The following CDH13 variants were observed in gnomAD, a reference collection of about 807,000 sequenced individuals.
CDH13 encodes cadherin 13, also known as cadherin-13.
In CDH13, 24 loss-of-function variants were observed where a neutral mutation model predicts 63.8. The observed-to-expected ratio is 0.38, with a 90% CI of 0.27 to 0.53. The LOEUF is 0.53. Ranked by LOEUF, CDH13 falls within the 20% of genes least tolerant of loss-of-function variation. The probability of loss-of-function intolerance (pLI) is 0.85; values close to 1 mark genes in which losing one functional copy is unlikely to be tolerated. For missense variants in CDH13, 1,049 were observed against 903.1 expected, an observed-to-expected ratio of 1.16 and a Z score of -2.07; for synonymous variants, 503 against 355.3, an observed-to-expected ratio of 1.42 and a Z score of -4.67.
intron 1 of CDH13, among the ~76,000 whole-genome samples, chr16:82,834,048 C>G (rs141341716): frequency 5.3e-5 from 8 of 152,284 alleles, no homozygotes; most frequent in African/African-American, 1.2e-4. Context: ...TTTCTCAATT[C>G]AGCGCTAGCC....
intron 2 of CDH13, among the ~76,000 whole-genome samples, chr16:82,865,456 C>G (rs569909874): frequency 1.3e-5 from 2 of 152,368 alleles, no homozygotes; most frequent in Admixed American, 6.5e-5. Context: ...CTTCCGTGCA[C>G]CTGCAGGCCC....
intron 3 of CDH13, among the ~76,000 whole-genome samples, chr16:83,069,397 G>A (rs4783319): frequency 0.2 from 29,948 of 152,008 alleles, 3,578 homozygotes; most frequent in Non-Finnish European, 0.27. Flanking sequence ...TCTTTTCTAA[G>A]AATCACCTAT....
intron 10 of CDH13, among the ~76,000 whole-genome samples, chr16:83,700,483 C>T (rs1465095748): frequency 6.6e-6 from 1 of 152,192 alleles, no homozygotes; most frequent in East Asian, 1.9e-4. Flanking sequence ...CTACTATGTG[C>T]CAGGCACTGT....
At chr16:82,831,357 T>C (rs1256009022) in intron 1 of CDH13, among the ~76,000 whole-genome samples, 1 of 152,134 alleles carries the variant, frequency 6.6e-6, no homozygotes, top group African/African-American at 2.4e-5. Context: ...TTCAGCTTGG[T>C]TGATTATCTA....
At chr16:83,192,078 A>C (rs1324161641) in intron 4 of CDH13, among the ~76,000 whole-genome samples, 1 of 152,172 alleles carries the variant, frequency 6.6e-6, no homozygotes, top group Non-Finnish European at 1.5e-5. Flanking sequence ...ATACTCGGTC[A>C]CTATTTTGTT....
intron 1 of CDH13, among the ~76,000 whole-genome samples, chr16:82,659,393 T>G (rs1382134227): frequency 6.6e-6 from 1 of 152,182 alleles, no homozygotes; most frequent in East Asian, 1.9e-4. Flanking sequence ...GGAGCAAGGC[T>G]ACGGAAGCAC....
intron 6 of CDH13, among the ~76,000 whole-genome samples, chr16:83,384,516 C>T (rs181591206): frequency 1.3e-5 from 2 of 152,374 alleles, no homozygotes; most frequent in African/African-American, 2.4e-5. Context: ...ACACCTTGAG[C>T]TGCCCCAAGG....
chr16:83,704,592 G>A (rs1906730595), intron 10 of CDH13, among the ~76,000 whole-genome samples: 1 of 152,176 alleles, frequency 6.6e-6, no homozygotes, highest in Admixed American at 6.5e-5. Context: ...TCCAATGCCA[G>A]GGAAAGCTGT....
At chr16:83,056,432 A>C (rs540584854) in intron 3 of CDH13, among the ~76,000 whole-genome samples, 2 of 152,308 alleles carry the variant, frequency 1.3e-5, no homozygotes, top group South Asian at 4.1e-4. Context: ...AAATTTTGGC[A>C]CATATATCAT....
intron 5 of CDH13, among the ~76,000 whole-genome samples, chr16:83,324,041 T>TTC (rs1555530341): frequency 0.031 from 2,526 of 80,382 alleles, 61 homozygotes; most frequent in African/African-American, 0.073. Flanking sequence ...CTTCTTCTTC[T>TTC]TTTTTTTTTT....
rs566705385 is a variant in CDH13 at position 82,913,545 on chromosome 16, G to T, written c.157+55072G>T. Among the ~76,000 whole-genome samples the T allele has an allele frequency of 4.2e-4, 64 of 152,228 alleles. 1 individual carries two copies. In the South Asian group the frequency reaches 0.012, roughly 28 times the overall value. On this transcript the variant is annotated intron_variant, in intron 2 of 13. Transcript: ENST00000567109. ...ATCAAGTTGATGGCTTGTTACTGTG[G>T]GTCGATGGGTCAAACATGAGGCAAT...
chr16:83,243,119 A>G (rs1195322141), intron 5 of CDH13, among the ~76,000 whole-genome samples: 1 of 152,170 alleles, frequency 6.6e-6, no homozygotes. Context: ...TGTCCAGGCT[A>G]TTAACCACCA....
At chr16:83,729,162 C>T (rs936537379) in intron 10 of CDH13, among the ~76,000 whole-genome samples, 11 of 152,054 alleles carry the variant, frequency 7.2e-5, no homozygotes, top group Admixed American at 3.9e-4. Context: ...TATCAACATC[C>T]GAATTTGGGG....
chr16:83,142,665 A>T lies in CDH13; in HGVS notation c.483+17164A>T, dbSNP rs559590579. ...AATTGATTATGCAGCAAACCCCAAG[A>T]TAGCAGAATCTCAGTTTTTCTTATT... On this transcript the variant is annotated intron_variant, in intron 4 of 13. Coordinates refer to ENST00000567109, the MANE Select transcript of CDH13 (RefSeq NM_001257.5). 5.9e-5 allele frequency among the ~76,000 whole-genome samples: 9 copies of T among 152,334 alleles called. No homozygotes were observed. The East Asian group carries it at 1.4e-3, about 23-fold the overall frequency.
At chr16:83,786,396 C>T (rs909880410) in intron 13 of CDH13, among the ~76,000 whole-genome samples, 5 of 152,116 alleles carry the variant, frequency 3.3e-5, no homozygotes, top group African/African-American at 7.2e-5. Context: ...GAGCTCAGTG[C>T]CCTAGAAACT....
chr16:82,651,777 G>A (rs566581893), intron 1 of CDH13, among the ~76,000 whole-genome samples: 3 of 152,336 alleles, frequency 2.0e-5, no homozygotes, highest in Non-Finnish European at 4.4e-5. Flanking sequence ...TTACAGCAGT[G>A]CCTTCAATAG....
chr16:83,710,508 G>A (rs1907867224), intron 10 of CDH13: 1 of 151,602 alleles, frequency 6.6e-6, no homozygotes, highest in Admixed American at 6.6e-5. Flanking sequence ...CTTTTTAAGA[G>A]GGATGTTGGC....
intron 1 of CDH13, among the ~76,000 whole-genome samples, chr16:82,806,766 G>T (rs2037165687): frequency 6.6e-6 from 1 of 152,112 alleles, no homozygotes; most frequent in Non-Finnish European, 1.5e-5. Flanking sequence ...AATGAAGAGT[G>T]AAATACAGTC....
intron 2 of CDH13, among the ~76,000 whole-genome samples, chr16:82,976,442 CAGTTAT>C: frequency 6.6e-6 from 1 of 152,278 alleles, no homozygotes. Flanking sequence ...GGCGCTTTTC[CAGTTAT>C]CCTCATGCTT....
Sources: gnomAD v4.1 joint callset for allele counts (sites outside exome capture counted in the v4.1 genomes callset) on GRCh38, gnomAD v4.1.1 for gene constraint, MANE v1.5 for transcripts, NCBI Gene and HGNC (gene_info 2026-07-23, HGNC 2026-07-21) for gene names.